The following SLC2A9 variants were observed in gnomAD, a reference collection of about 807,000 sequenced individuals.
SLC2A9 encodes solute carrier family 2, facilitated glucose transporter member 9.
In SLC2A9, 39 loss-of-function variants were observed where a neutral mutation model predicts 50.6. The observed-to-expected ratio is 0.77, with a 90% CI of 0.60 to 1.01. The LOEUF (loss-of-function observed/expected upper bound fraction) is 1.01, where lower values mean the gene tolerates loss of function less well. Among genes scored for constraint, SLC2A9 ranks in the 50% least tolerant of loss-of-function variants. The pLI, the probability that SLC2A9 is intolerant of heterozygous loss-of-function variation, is 0.00. For missense variants in SLC2A9, 686 were observed against 677.6 expected (o/e 1.01, Z -0.14); for synonymous variants, 324 against 276.9 (o/e 1.17, Z -1.69).
chr4:9,949,103 A>T (rs1375335689), intron 5 of SLC2A9, among the ~76,000 whole-genome samples: 2 of 152,214 alleles, frequency 1.3e-5, no homozygotes, highest in Non-Finnish European at 2.9e-5. Context: ...CCTCCCGTGG[A>T]TGACTTCTCT....
At chr4:10,005,579 T>C (rs1760647070) in intron 2 of SLC2A9, among the ~76,000 whole-genome samples, 1 of 152,238 alleles carries the variant, frequency 6.6e-6, no homozygotes, top group East Asian at 1.9e-4. Flanking sequence ...GCAATTGGTA[T>C]GAGATGATGA....
At chr4:9,987,371 C>T (rs931260793) in intron 3 of SLC2A9, among the ~76,000 whole-genome samples, 1 of 152,210 alleles carries the variant, frequency 6.6e-6, no homozygotes, top group African/African-American at 2.4e-5. Context: ...CTGCCTGCCT[C>T]AGCCTCCCAA....
intron 10 of SLC2A9, among the ~76,000 whole-genome samples, chr4:9,857,597 G>A (rs1487608316): frequency 6.6e-6 from 1 of 152,334 alleles, no homozygotes; most frequent in East Asian, 1.9e-4. Flanking sequence ...TCTCTCCAGG[G>A]TGGACTGAAG....
chr4:9,985,794 CT>C lies in SLC2A9; in HGVS notation c.411-2del. 2 of 1,614,000 alleles carry C rather than the reference CT, an allele frequency of 1.2e-6. No homozygotes were observed. Among genetic ancestry groups the C allele is most frequent in the Non-Finnish European group, 1.7e-6 (2 of 1,179,876 alleles). On this transcript the variant is annotated splice_acceptor_variant, in intron 3 of 11. Transcript: ENST00000264784. LOFTEE classifies it high-confidence loss of function. ...ATTATTGGCCAGCAAAGTGTGCTTCCTGGAAAGAAAGGAAAGATTTGATGAA... is the reference window on the plus strand; with the variant it reads ...ATTATTGGCCAGCAAAGTGTGCTTCCGGAAAGAAAGGAAAGATTTGATGAA...
chr4:9,990,066 C>T (rs959823991), intron 3 of SLC2A9, among the ~76,000 whole-genome samples: 2 of 152,116 alleles, frequency 1.3e-5, no homozygotes, highest in Non-Finnish European at 2.9e-5. Flanking sequence ...CCGAATGGCA[C>T]AGTCTGCATG....
intron 10 of SLC2A9, among the ~76,000 whole-genome samples, chr4:9,850,707 C>T (rs1352652594): frequency 6.6e-6 from 1 of 152,146 alleles, no homozygotes; most frequent in Admixed American, 6.5e-5. Flanking sequence ...CTCATTCGTG[C>T]CCCACTCCCC....
At chr4:9,874,499 C>T (rs1234171059) in intron 10 of SLC2A9, among the ~76,000 whole-genome samples, 1 of 152,194 alleles carries the variant, frequency 6.6e-6, no homozygotes, top group Non-Finnish European at 1.5e-5. Context: ...AGTTTTGGAA[C>T]CGCGCAGAGG....
chr4:9,953,177 G>A (rs1750618174), intron 5 of SLC2A9, among the ~76,000 whole-genome samples: 3 of 152,160 alleles, frequency 2.0e-5, no homozygotes, highest in Admixed American at 2.0e-4. Flanking sequence ...GCAAAGTGGG[G>A]CAAGCTTAGC....
intron 2 of SLC2A9, among the ~76,000 whole-genome samples, chr4:10,004,843 G>A (rs1190594148): frequency 1.3e-5 from 2 of 152,224 alleles, no homozygotes; most frequent in African/African-American, 4.8e-5. Flanking sequence ...TATGTGTTGG[G>A]AGAACTCGAT....
At chr4:9,804,625 ATATCC>A (rs1721885962) in intron 3 of SLC2A9, among the ~76,000 whole-genome samples, 1 of 152,128 alleles carries the variant, frequency 6.6e-6, no homozygotes, top group African/African-American at 2.4e-5. Context: ...TTTTGAGGCT[ATATCC>A]TGTCTTTGGC....
At chr4:9,802,645 C>G (rs761470282) in intron 3 of SLC2A9, among the ~76,000 whole-genome samples, 11 of 148,122 alleles carry the variant, frequency 7.4e-5, no homozygotes, top group Non-Finnish European at 1.6e-4. Flanking sequence ...CACTGCAAAC[C>G]TTTACCTCAA....
intron 7 of SLC2A9, among the ~76,000 whole-genome samples, chr4:9,918,385 T>C (rs946411863): frequency 3.3e-5 from 5 of 152,148 alleles, no homozygotes; most frequent in African/African-American, 1.2e-4. Context: ...ATGCTGGCAT[T>C]TGCCACTAAA....
Position 9,818,478 on chromosome 4 carries a change from G to C in SLC2A9, n.420+7942C>G, listed in dbSNP as rs189924203. Among the ~76,000 whole-genome samples, 12 of 152,344 alleles carry C rather than the reference G, an allele frequency of 7.9e-5. No individual in the cohort carries two copies. The East Asian group carries it at 2.1e-3, about 27-fold the overall frequency. ...AGCTTGAACTCAACTACTCAACTCT[G>C]ATTACAACATGGCCAGCTGGGGATT... On this transcript the variant is annotated intron_variant and non_coding_transcript_variant, in intron 3 of 3. Coordinates refer to the SLC2A9 transcript ENST00000503280.
intron 7 of SLC2A9, among the ~76,000 whole-genome samples, chr4:9,909,990 C>CA (rs1741410434): frequency 6.6e-6 from 1 of 152,122 alleles, no homozygotes; most frequent in African/African-American, 2.4e-5. Context: ...ATGTTTTTAG[C>CA]AAAAATTATT....
At chr4:9,807,211 G>A (rs932094368) in intron 3 of SLC2A9, among the ~76,000 whole-genome samples, 1 of 152,100 alleles carries the variant, frequency 6.6e-6, no homozygotes, top group African/African-American at 2.4e-5. Flanking sequence ...ACTTGCTATG[G>A]TCCTCACTCA....
At chr4:10,038,533 AT>A in intron 1 of SLC2A9, among the ~76,000 whole-genome samples, 5 of 147,262 alleles carry the variant, frequency 3.4e-5, no homozygotes, top group East Asian at 2.2e-4. Flanking sequence ...AAAAAAAAAA[AT>A]TAGTTCAGAC....
At chr4:9,987,982 T>A (rs934663676) in intron 3 of SLC2A9, among the ~76,000 whole-genome samples, 9 of 152,234 alleles carry the variant, frequency 5.9e-5, no homozygotes, top group African/African-American at 2.2e-4. Flanking sequence ...AGAACTAGCG[T>A]TTCCCCCCTG....
chr4:9,775,231 C>A (rs1472742483), downstream of SLC2A9, among the ~76,000 whole-genome samples: 1 of 152,138 alleles, frequency 6.6e-6, no homozygotes, highest in African/African-American at 2.4e-5. Context: ...TCCACATGAC[C>A]CTCACTTCTC....
At chr4:9,933,029 C>T (rs1746428066) in intron 6 of SLC2A9, among the ~76,000 whole-genome samples, 1 of 152,204 alleles carries the variant, frequency 6.6e-6, no homozygotes, top group Non-Finnish European at 1.5e-5. Flanking sequence ...GCAGCTCCAG[C>T]ATCTGCCCTG....
Sources: gnomAD v4.1 joint callset for allele counts (sites outside exome capture counted in the v4.1 genomes callset) on GRCh38, gnomAD v4.1.1 for gene constraint, MANE v1.5 for transcripts, NCBI Gene and HGNC (gene_info 2026-07-23, HGNC 2026-07-21) for gene names.